Variants in PCDHA13 observed in about 807,000 individuals in gnomAD.
PCDHA13 encodes protocadherin alpha 13, also known as protocadherin alpha-13.
A neutral mutation model predicts 64.8 loss-of-function variants in PCDHA13; 54 were observed. That is an observed-to-expected ratio of 0.83 (90% CI 0.67 to 1.04). The LOEUF is 1.04. Among genes scored for constraint, PCDHA13 ranks in the 50% least tolerant of loss-of-function variants. The pLI is 0.00. For synonymous variants in PCDHA13, 587 were observed against 564.4 expected (o/e 1.04, Z -0.57); for missense variants, 1,248 against 1,254.3 (o/e 0.99, Z 0.08).
chr5:141,008,375 C>T (rs77600037), intron 3 of PCDHA13, among the ~76,000 whole-genome samples: 2,306 of 152,234 alleles, frequency 0.015, 24 homozygotes, highest in Middle Eastern at 0.031. Flanking sequence ...GTGTTAGATA[C>T]ATAAACATTG....
chr5:140,928,672 GC>G (rs1466783332), intron 1 of PCDHA13: 1 of 1,614,058 alleles, frequency 6.2e-7, no homozygotes, highest in East Asian at 2.2e-5. Flanking sequence ...TGGTTCTAAT[GC>G]CTGGCTTTCC....
chr5:140,961,222 T>C (rs1335870319), intron 1 of PCDHA13, among the ~76,000 whole-genome samples: 1 of 152,118 alleles, frequency 6.6e-6, no homozygotes, highest in East Asian at 1.9e-4. Flanking sequence ...AGAAACTGGG[T>C]CCCAAAAAGG....
At chr5:140,908,933 C>T (rs1554193565) in intron 1 of PCDHA13, among the ~76,000 whole-genome samples, 1 of 152,186 alleles carries the variant, frequency 6.6e-6, no homozygotes, top group East Asian at 1.9e-4. Context: ...AATGCAGCAA[C>T]TTATCCTTCA....
intron 1 of PCDHA13, 81 bp from the exon 2 acceptor site, chr5:140,978,868 G>A: frequency 6.2e-7 from 1 of 1,606,078 alleles, no homozygotes; most frequent in Non-Finnish European, 8.5e-7. Context: ...ATATTTAAGG[G>A]AGTAACTAAT....
chr5:141,009,706 C>G lies in PCDHA13; in HGVS notation c.2622C>G (p.Gly874=). Reference sequence around the variant, plus strand: ...GCTGGACCTTTAAATACGGACCAGGCAACCCCAAACAATCCGGTCCCGGTG... The same window carrying G: ...GCTGGACCTTTAAATACGGACCAGGGAACCCCAAACAATCCGGTCCCGGTG... ...SNSWTFKYGP[G]NPKQSGPGEL... The change falls in exon 4 of 4, where the codon GGC becomes GGG. Residue 874 remains glycine, a synonymous_variant. Transcript: ENST00000289272. 1 of 1,614,118 alleles carries G rather than the reference C, an allele frequency of 6.2e-7. No homozygotes were observed. Among genetic ancestry groups the G allele is most frequent in the Non-Finnish European group, 8.5e-7 (1 of 1,180,020 alleles).
rs199714982 is a variant in PCDHA13, at chr5:140,967,252, G to T, written c.2395-11697G>T. On this transcript the variant is annotated intron_variant, in intron 1 of 3. Coordinates refer to ENST00000289272, the MANE Select transcript of PCDHA13 (RefSeq NM_018904.3). ...AGCTTCAGGTAAGCGAATCGGTGGC[G>T]CCTGGAGCGCGCTTTCACATAGAGA... 6.0e-5 allele frequency: 97 copies of T among 1,613,386 alleles called. 1 individual carries two copies. Among genetic ancestry groups the T allele is most frequent in the Non-Finnish European group, 8.0e-5 (94 of 1,179,870 alleles).
At chr5:140,985,067 A>C (rs2153836144) in intron 3 of PCDHA13, among the ~76,000 whole-genome samples, 1 of 152,116 alleles carries the variant, frequency 6.6e-6, no homozygotes, top group East Asian at 1.9e-4. Flanking sequence ...CCTCCTGAGT[A>C]GCTGAGACTA....
intron 3 of PCDHA13, among the ~76,000 whole-genome samples, chr5:140,984,647 G>C (rs1169327185): frequency 6.6e-6 from 1 of 152,102 alleles, no homozygotes; most frequent in Non-Finnish European, 1.5e-5. Flanking sequence ...CCTTCTCCCT[G>C]TCCTTCTGGT....
intron 1 of PCDHA13, among the ~76,000 whole-genome samples, chr5:140,890,939 G>A (rs1236920048): frequency 6.6e-6 from 1 of 152,106 alleles, no homozygotes; most frequent in Admixed American, 6.6e-5. Flanking sequence ...GTCCAAAGAT[G>A]CTGGTGAGGA....
intron 3 of PCDHA13, among the ~76,000 whole-genome samples, chr5:141,006,751 G>A (rs1369409000): frequency 2.0e-5 from 3 of 152,166 alleles, no homozygotes; most frequent in Non-Finnish European, 4.4e-5. Flanking sequence ...ATTATAAATG[G>A]AGAATGAAGA....
chr5:140,964,560 TGGGAGGAGATAAG>T (rs2095840156), intron 1 of PCDHA13, among the ~76,000 whole-genome samples: 1 of 152,082 alleles, frequency 6.6e-6, no homozygotes, highest in Admixed American at 6.6e-5. Context: ...CTTGGAGGGC[TGGGAGGAGATAAG>T]GGGAGGAAAG....
In PCDHA13 at chr5:140,904,730, A is replaced by AT. The variant is rs538757271; in HGVS notation, c.2394+20075dup. 7.6e-4 allele frequency among the ~76,000 whole-genome samples: 116 copies of AT among 152,104 alleles called. 1 individual carries two copies. The highest frequency in any genetic ancestry group is 6.8e-3 in the Middle Eastern group (2 of 294). On this transcript the variant is annotated intron_variant, in intron 1 of 3. Transcript: ENST00000289272. ...CACCACATTCTGGCCAACATCTATT[A>AT]TTTTTTTATTATGACCATTTTTGCA...
At chr5:140,896,226 T>C (rs1554186874) in intron 1 of PCDHA13, among the ~76,000 whole-genome samples, 1 of 152,242 alleles carries the variant, frequency 6.6e-6, no homozygotes, top group Non-Finnish European at 1.5e-5. Flanking sequence ...GTCTTTATAG[T>C]AGAATGACTT....
At chr5:140,968,923 T>C in intron 1 of PCDHA13, 1 of 1,614,212 alleles carries the variant, frequency 6.2e-7, no homozygotes, top group Non-Finnish European at 8.5e-7. Flanking sequence ...CTTTTATATT[T>C]CTTTTGACAA....
chr5:140,884,709 C>T (rs2060331114), intron 1 of PCDHA13, 47 bp downstream of exon 1: 1 of 1,477,632 alleles, frequency 6.8e-7, no homozygotes. Context: ...CTTTAGCCTT[C>T]CTTGCAGTTG....
chr5:140,974,672 T>G lies in PCDHA13; in HGVS notation c.2395-4277T>G, dbSNP rs186958750. On this transcript the variant is annotated intron_variant, in intron 1 of 3. Coordinates refer to ENST00000289272, the MANE Select transcript of PCDHA13 (RefSeq NM_018904.3). ...GATTACAGGCATGCGCCACCATGCC[T>G]GGCTAATTTTGTATTTTTGGGTTTC... 4.6e-3 allele frequency among the ~76,000 whole-genome samples: 694 copies of G among 152,134 alleles called. 4 individuals are homozygous for G. Among genetic ancestry groups the G allele is most frequent in the African/African-American group, 0.016 (672 of 41,518 alleles).
chr5:141,000,651 C>G (rs1325110453), intron 3 of PCDHA13, among the ~76,000 whole-genome samples: 2 of 151,708 alleles, frequency 1.3e-5, no homozygotes, highest in African/African-American at 4.8e-5. Flanking sequence ...TGGTCTCGAA[C>G]TCCTGACCTC....
rs149782026 is a variant in PCDHA13, at chr5:140,944,645, G to A, written c.2395-34304G>A. ...TAGTGTTGTAAGCCAGTGTGGATTG[G>A]GAGTCCATACCCCTTATTTATCTAT... On this transcript the variant is annotated intron_variant, in intron 1 of 3. Coordinates refer to ENST00000289272, the MANE Select transcript of PCDHA13 (RefSeq NM_018904.3). Among the ~76,000 whole-genome samples, 728 of 152,260 alleles carry A rather than the reference G, an allele frequency of 4.8e-3. 7 individuals are homozygous for A. The highest frequency in any genetic ancestry group is 0.017 in the African/African-American group (702 of 41,552).
chr5:140,986,758 G>A (rs1242772553), intron 3 of PCDHA13, among the ~76,000 whole-genome samples: 1 of 152,194 alleles, frequency 6.6e-6, no homozygotes, highest in Non-Finnish European at 1.5e-5. Context: ...ACTAAACAGT[G>A]AAAGATTAAT....
Sources: allele counts gnomAD v4.1 joint callset (sites outside exome capture counted in the v4.1 genomes callset), GRCh38; gene constraint gnomAD v4.1.1; transcripts MANE v1.5; gene names NCBI Gene and HGNC (gene_info 2026-07-23, HGNC 2026-07-21).